USP53: variants seen among roughly 807,000 people sequenced by gnomAD.
USP53 encodes ubiquitin specific peptidase 53.
USP53 carries 71 observed loss-of-function variants against 94.9 expected under a neutral mutation model. The ratio of observed to expected loss-of-function variants is 0.75; its 90% CI spans 0.62 to 0.91. The LOEUF (loss-of-function observed/expected upper bound fraction) is 0.91. USP53 is among the 40% of genes least tolerant of loss of function. USP53 has a pLI of 0.00. For missense variants in USP53, 1,173 were observed against 1,281.0 expected, an observed-to-expected ratio of 0.92 and a Z score of 1.29; for synonymous variants, 375 against 422.7, an observed-to-expected ratio of 0.89 and a Z score of 1.39.
chr4:119,236,894 G>C (rs1433830433), intron 4 of USP53, among the ~76,000 whole-genome samples: 1 of 152,086 alleles, frequency 6.6e-6, no homozygotes, highest in African/African-American at 2.4e-5. Flanking sequence ...CTAGAATGGT[G>C]AATCCTTTTC....
At chr4:119,238,186 T>C (rs1747039951) in intron 4 of USP53, among the ~76,000 whole-genome samples, 1 of 152,236 alleles carries the variant, frequency 6.6e-6, no homozygotes, top group African/African-American at 2.4e-5. Context: ...AGCCTACCTT[T>C]CTGCCTGTCT....
chr4:119,285,768 A>G (rs1578574472), intron 17 of USP53, among the ~76,000 whole-genome samples: 1 of 152,064 alleles, frequency 6.6e-6, no homozygotes, highest in East Asian at 1.9e-4. Flanking sequence ...TACTTTTGTC[A>G]GCCGATTTTT....
At chr4:119,280,246 A>T in intron 17 of USP53, among the ~76,000 whole-genome samples, 1 of 149,490 alleles carries the variant, frequency 6.7e-6, no homozygotes, top group African/African-American at 2.5e-5. Context: ...TTTTGGTAGC[A>T]GTTTGCATTT....
At chr4:119,259,280 CAA>C (rs11348254) in intron 9 of USP53, among the ~76,000 whole-genome samples, 1,770 of 119,282 alleles carry the variant, frequency 0.015, 31 homozygotes, top group African/African-American at 0.04. Flanking sequence ...GACCCCATCT[CAA>C]AAAAAAAAAA....
Position 119,268,384 on chromosome 4 carries a change from C to G in USP53, c.1252C>G (p.Arg418Gly). 2 of 1,613,826 alleles carry G rather than the reference C, an allele frequency of 1.2e-6. No homozygotes were observed. Among genetic ancestry groups the G allele is most frequent in the African/African-American group, 2.7e-5 (2 of 75,002 alleles). The change falls in exon 14 of 19, where the codon CGG becomes GGG. Residue 418 changes from arginine (R) to glycine (G), a missense_variant. Transcript: ENST00000692078. ...FPTDNISSSNRSHSHTGVGKG... is the reference protein window; with the variant it reads ...FPTDNISSSNGSHSHTGVGKG... ...AACTGATAATATTTCATCATCTAAT[C>G]GGAGCCACAGTCACACAGGTGTAGG...
At chr4:119,247,354 G>A (rs1748386905) in intron 6 of USP53, among the ~76,000 whole-genome samples, 1 of 151,980 alleles carries the variant, frequency 6.6e-6, no homozygotes, top group African/African-American at 2.4e-5. Flanking sequence ...CCTTTTGTCT[G>A]GAATGCTTTT....
At chr4:119,230,258 A>G (rs1041186591) in intron 3 of USP53, among the ~76,000 whole-genome samples, 1 of 152,190 alleles carries the variant, frequency 6.6e-6, no homozygotes, top group African/African-American at 2.4e-5. Flanking sequence ...TAAAACATAT[A>G]TGTTTTCACA....
chr4:119,255,076 T>C (rs945703176), intron 7 of USP53, among the ~76,000 whole-genome samples: 6 of 152,112 alleles, frequency 3.9e-5, no homozygotes, highest in Non-Finnish European at 2.9e-5. Flanking sequence ...CAAATATTGC[T>C]GCCTGATCCT....
chr4:119,286,229 T>C (rs1161315104), intron 17 of USP53, among the ~76,000 whole-genome samples: 1 of 150,868 alleles, frequency 6.6e-6, no homozygotes, highest in East Asian at 1.9e-4. Context: ...TTTGTAAATA[T>C]ATATATATGT....
At chr4:119,288,200 A>T (rs1164960189) in intron 17 of USP53, among the ~76,000 whole-genome samples, 1 of 152,254 alleles carries the variant, frequency 6.6e-6, no homozygotes, top group Non-Finnish European at 1.5e-5. Flanking sequence ...ATATTTATTC[A>T]TTTAAAGAAA....
In USP53 at chr4:119,295,253, CCATT is replaced by C. The variant is rs1239662340; in HGVS notation, c.*2043_*2046del. Reference sequence around the variant, plus strand: ...TACTACTACACAAACTAGAAAATGCCCATTTATTTTTGTTGATTCAACACTCCAG... The same window carrying C: ...TACTACTACACAAACTAGAAAATGCCTATTTTTGTTGATTCAACACTCCAG... On this transcript the variant is annotated 3_prime_UTR_variant, in exon 19 of 19. Coordinates refer to ENST00000692078, the MANE Select transcript of USP53 (RefSeq NM_001371395.1). The C allele has an allele frequency of 1.6e-5, 2 of 125,048 alleles. No individual in the cohort carries two copies. Among genetic ancestry groups the C allele is most frequent in the Non-Finnish European group, 3.7e-5 (2 of 53,590 alleles). The allele number at this position is 125,048 out of a possible 1,614,324, so 7.7% of individuals were successfully genotyped here.
intron 15 of USP53, among the ~76,000 whole-genome samples, chr4:119,270,242 A>G (rs375934107): frequency 6.6e-6 from 1 of 151,792 alleles, no homozygotes; most frequent in East Asian, 1.9e-4. Context: ...CTACAGGCAC[A>G]TGCCACCACA....
intron 17 of USP53, among the ~76,000 whole-genome samples, chr4:119,284,469 A>G (rs1177325263): frequency 1.3e-5 from 2 of 151,842 alleles, no homozygotes; most frequent in Admixed American, 6.6e-5. Context: ...ATTTGGGAAC[A>G]TTGTTTAAAT....
At position 119,269,786 on chromosome 4, in the gene USP53, C is replaced by A; in HGVS notation, c.1384C>A (p.Gln462Lys). The change falls in exon 15 of 19, where the codon CAA (glutamine) becomes AAA (lysine). Residue 462 changes from glutamine to lysine, a missense_variant. Transcript: ENST00000692078. The stretch of plus-strand genomic sequence containing the variant: ...TGAACAGAAAAACTTACTTTCTTCA[C>A]AAAGGAAAGATTTAGAGAAGGGACA... The part of the protein sequence containing the change: ...AIEQKNLLSS[Q>K]RKDLEKGQRK... 1 of 1,525,020 alleles carries A rather than the reference C, an allele frequency of 6.6e-7. No homozygotes were observed. 94.5% of individuals were successfully genotyped at this position (1,525,020 alleles called of 1,614,324 possible).
chr4:119,291,855 A>G (rs188122301), intron 18 of USP53, among the ~76,000 whole-genome samples: 7 of 152,170 alleles, frequency 4.6e-5, no homozygotes, highest in Non-Finnish European at 1.0e-4. Flanking sequence ...CTCAAATATA[A>G]TATAAATATA....
chr4:119,251,346 A>G (rs1403340463), intron 7 of USP53, among the ~76,000 whole-genome samples: 2 of 152,178 alleles, frequency 1.3e-5, no homozygotes, highest in Non-Finnish European at 2.9e-5. Flanking sequence ...GCTATTGTGA[A>G]TAGTGCCACA....
intron 3 of USP53, among the ~76,000 whole-genome samples, chr4:119,233,649 C>T (rs542596225): frequency 6.6e-6 from 1 of 152,158 alleles, no homozygotes; most frequent in African/African-American, 2.4e-5. Flanking sequence ...TTTTTTATTT[C>T]AGCAGTTTAA....
intron 1 of USP53, among the ~76,000 whole-genome samples, chr4:119,213,660 ATGTGTGTG>A (rs1553962017): frequency 6.8e-5 from 8 of 117,770 alleles, no homozygotes; most frequent in African/African-American, 2.9e-4. Flanking sequence ...ATATATATAT[ATGTGTGTG>A]TGTGTATGTA....
intron 3 of USP53, among the ~76,000 whole-genome samples, chr4:119,234,407 A>G (rs1295865161): frequency 6.6e-6 from 1 of 152,192 alleles, no homozygotes; most frequent in East Asian, 1.9e-4. Flanking sequence ...GGAGGGAAGC[A>G]GGAATTTGAA....
Sources: gnomAD v4.1 joint callset for allele counts (sites outside exome capture counted in the v4.1 genomes callset) on GRCh38, gnomAD v4.1.1 for gene constraint, MANE v1.5 for transcripts, NCBI Gene and HGNC (gene_info 2026-07-23, HGNC 2026-07-21) for gene names.